The following PSD3 variants were observed in gnomAD, a reference collection of about 807,000 sequenced individuals.
The protein encoded by PSD3 is pleckstrin and Sec7 domain containing 3, also known as PH and SEC7 domain-containing protein 3.
PSD3 carries 49 observed loss-of-function variants against 105.5 expected under a neutral mutation model. That is an observed-to-expected ratio of 0.46 (90% confidence interval 0.37 to 0.59). The LOEUF is 0.59. Among genes scored for constraint, PSD3 ranks in the 20% least tolerant of loss-of-function variants. The pLI is 0.00. For synonymous variants in PSD3, 557 were observed against 457.8 expected (o/e 1.22, Z -2.77); for missense variants, 1,561 against 1,263.8 (o/e 1.24, Z -3.57).
chr8:18,660,125 G>C lies in PSD3; in HGVS notation c.2173-4440C>G, dbSNP rs1425096193. On this transcript the variant is annotated intron_variant, in intron 9 of 15. Coordinates refer to ENST00000327040, the MANE Select transcript of PSD3 (RefSeq NM_015310.4). ...ACTTTAAAGATGTGATTAAGTTAAA[G>C]AACTTGAGATGGGGAACGTACGTGG... Among the ~76,000 whole-genome samples the C allele has an allele frequency of 2.0e-5, 3 of 152,292 alleles. No individual in the cohort carries two copies. In the East Asian group the frequency reaches 5.8e-4, roughly 29 times the overall value.
At chr8:18,859,232 T>A (rs1194471276) in intron 4 of PSD3, among the ~76,000 whole-genome samples, 1 of 151,750 alleles carries the variant, frequency 6.6e-6, no homozygotes, top group Non-Finnish European at 1.5e-5. Context: ...TCCTTTTTTT[T>A]TTTTTTTTTG....
intron 2 of PSD3, among the ~76,000 whole-genome samples, chr8:18,920,895 C>G (rs573842435): frequency 2.0e-4 from 30 of 152,266 alleles, no homozygotes; most frequent in African/African-American, 7.2e-4. Flanking sequence ...GTACCTGTGT[C>G]AGGCTATAGT....
In PSD3 at chr8:18,932,014, C is replaced by T. The variant is rs148629279; in HGVS notation, c.130+4020G>A. Among the ~76,000 whole-genome samples, 10 of 152,324 alleles carry T rather than the reference C, an allele frequency of 6.6e-5. No individual in the cohort carries two copies. In the East Asian group the frequency reaches 1.9e-3, roughly 29 times the overall value. Reference sequence around the variant, plus strand: ...CATTCTCTTGAGTCCTCAGTTTCCACATCTATAAAAGGCAAAGGTGACTTC... The same window carrying T: ...CATTCTCTTGAGTCCTCAGTTTCCATATCTATAAAAGGCAAAGGTGACTTC... On this transcript the variant is annotated intron_variant, in intron 2 of 15. Transcript: ENST00000327040.
chr8:18,758,413 TC>T (rs1175805519), intron 9 of PSD3, among the ~76,000 whole-genome samples: 4 of 135,200 alleles, frequency 3.0e-5, no homozygotes, highest in Middle Eastern at 3.7e-3. Flanking sequence ...TCAGTTTTAC[TC>T]TTTTTTTTTT....
At chr8:18,940,616 A>G (rs772764390) in intron 1 of PSD3, among the ~76,000 whole-genome samples, 1 of 152,180 alleles carries the variant, frequency 6.6e-6, no homozygotes, top group Non-Finnish European at 1.5e-5. Flanking sequence ...TATCTTGGAA[A>G]CTAACATGCC....
At chr8:18,971,980 G>A (rs1420314091) in intron 1 of PSD3, among the ~76,000 whole-genome samples, 1 of 151,954 alleles carries the variant, frequency 6.6e-6, no homozygotes, top group Admixed American at 6.6e-5. Flanking sequence ...ACACCAGCCT[G>A]GACAACACAG....
At position 18,533,221 on chromosome 8, in the gene PSD3, T is replaced by C. The variant is rs1436566998; in HGVS notation, c.*2522A>G. 1 of 152,242 alleles carries C rather than the reference T, an allele frequency of 6.6e-6. No homozygotes were observed. The highest frequency in any genetic ancestry group is 1.5e-5 in the Non-Finnish European group (1 of 68,074). The allele number at this position is 152,242 out of a possible 1,614,324, so 9.4% of individuals were successfully genotyped here. The stretch of plus-strand genomic sequence containing the variant: ...TAAACTCTTGGCCTCCTTCATGCAC[T>C]CATGACAGACAGCAACCTTCAGAAG... On this transcript the variant is annotated 3_prime_UTR_variant, in exon 16 of 16. Coordinates refer to ENST00000327040, the MANE Select transcript of PSD3 (RefSeq NM_015310.4).
intron 4 of PSD3, among the ~76,000 whole-genome samples, chr8:18,818,860 G>C (rs1283689978): frequency 6.6e-6 from 1 of 152,028 alleles, no homozygotes; most frequent in Non-Finnish European, 1.5e-5. Flanking sequence ...AATTTAAATA[G>C]GAATCCCCTT....
At chr8:18,552,542 C>A (rs1800829721) in intron 15 of PSD3, among the ~76,000 whole-genome samples, 2 of 152,250 alleles carry the variant, frequency 1.3e-5, no homozygotes, top group South Asian at 4.2e-4. Flanking sequence ...TGTTTGGAGC[C>A]TTGTAAACTT....
intron 8 of PSD3, among the ~76,000 whole-genome samples, chr8:18,788,731 C>A (rs1809422190): frequency 6.6e-6 from 1 of 152,202 alleles, no homozygotes; most frequent in Non-Finnish European, 1.5e-5. Context: ...CATACTCTCC[C>A]ATATGACAAT....
intron 1 of PSD3, among the ~76,000 whole-genome samples, chr8:19,039,575 TC>T (rs1473715367): frequency 6.6e-6 from 1 of 152,138 alleles, no homozygotes; most frequent in Non-Finnish European, 1.5e-5. Flanking sequence ...TCAAACCCTT[TC>T]TCTAGGCTAA....
At chr8:18,625,339 A>G (rs981313305) in intron 11 of PSD3, among the ~76,000 whole-genome samples, 1 of 152,138 alleles carries the variant, frequency 6.6e-6, no homozygotes, top group Non-Finnish European at 1.5e-5. Flanking sequence ...TTTCCAACCC[A>G]TCATCCTATC....
rs1178331758 is a variant in PSD3, at chr8:18,527,442, AAAC to A, written c.*8298_*8300del. 6.6e-6 allele frequency: 1 copy of A among 152,602 alleles called. No individual in the cohort carries two copies. The highest frequency in any genetic ancestry group is 1.5e-5 in the Non-Finnish European group (1 of 68,038). The allele number at this position is 152,602 out of a possible 1,614,324, so 9.5% of individuals were successfully genotyped here. A position where few individuals can be genotyped will look rare whatever the true frequency, so the allele number is the denominator to read the frequency against. On this transcript the variant is annotated 3_prime_UTR_variant, in exon 16 of 16. Transcript: ENST00000327040. The stretch of plus-strand genomic sequence containing the variant: ...AAATGCAATAAATTTTGTTGCCGTA[AAAC>A]AACAAAATATCCCCAACTTATAAAA...
intron 1 of PSD3, among the ~76,000 whole-genome samples, chr8:18,991,005 G>C (rs1825760347): frequency 2.0e-5 from 3 of 152,252 alleles, no homozygotes; most frequent in African/African-American, 7.2e-5. Flanking sequence ...AGCTCAGCTA[G>C]CTGATACTTC....
At chr8:18,587,357 G>T (rs1336828735) in intron 12 of PSD3, among the ~76,000 whole-genome samples, 2 of 152,106 alleles carry the variant, frequency 1.3e-5, no homozygotes, top group African/African-American at 4.8e-5. Context: ...TCGTAAATGG[G>T]ACACTTTATG....
In PSD3 at chr8:18,872,257, C is replaced by G. The variant is rs1409699761; in HGVS notation, c.607G>C (p.Val203Leu). ...NLPEIPLSAE[V>L]TTEESFYLSI... ...AAATAAAAACTTTCCTCCGTTGTTA[C>G]TTCAGCTGAAAGAGGTATTTCTGGT... The change falls in exon 3 of 16, where the codon GTA becomes CTA. Residue 203 changes from valine to leucine, a missense_variant. Coordinates refer to ENST00000327040, the MANE Select transcript of PSD3 (RefSeq NM_015310.4). 3 of 1,614,220 alleles carry G rather than the reference C, an allele frequency of 1.9e-6. No homozygotes were observed. Among genetic ancestry groups the G allele is most frequent in the Non-Finnish European group, 2.5e-6 (3 of 1,180,038 alleles).
chr8:18,565,592 C>T (rs1183129130), intron 14 of PSD3, among the ~76,000 whole-genome samples: 1 of 152,114 alleles, frequency 6.6e-6, no homozygotes, highest in Admixed American at 6.5e-5. Context: ...TTTAATTGAA[C>T]GTCTAATTTT....
chr8:18,732,636 A>T (rs866286951), intron 9 of PSD3, among the ~76,000 whole-genome samples: 1 of 152,166 alleles, frequency 6.6e-6, no homozygotes, highest in Non-Finnish European at 1.5e-5. Flanking sequence ...CCTTCCTTAC[A>T]TGGTGGCTCC....
At chr8:18,685,237 G>C (rs1800600987) in intron 9 of PSD3, among the ~76,000 whole-genome samples, 1 of 152,020 alleles carries the variant, frequency 6.6e-6, no homozygotes, top group African/African-American at 2.4e-5. Context: ...CATTATTTGA[G>C]ATAATTAATT....
Sources: allele counts gnomAD v4.1 joint callset (sites outside exome capture counted in the v4.1 genomes callset), GRCh38; gene constraint gnomAD v4.1.1; transcripts MANE v1.5; gene names NCBI Gene and HGNC (gene_info 2026-07-23, HGNC 2026-07-21).